ABHD17B: variants seen among roughly 807,000 people sequenced by gnomAD.
ABHD17B encodes the protein alpha/beta hydrolase domain-containing protein 17B.
In ABHD17B, 9 loss-of-function variants were observed where a neutral mutation model predicts 26.2. The observed-to-expected ratio is 0.34, with a 90% confidence interval of 0.21 to 0.60. The LOEUF (loss-of-function observed/expected upper bound fraction) is 0.60. Ranked by LOEUF, ABHD17B falls within the 20% of genes least tolerant of loss-of-function variation. The pLI is 0.80. For synonymous variants in ABHD17B, 127 were observed against 122.3 expected (o/e 1.04, Z -0.25); for missense variants, 224 against 352.1 (o/e 0.64, Z 2.91).
chr9:71,881,073 T>C (rs191693916), intron 1 of ABHD17B, among the ~76,000 whole-genome samples: 169 of 152,138 alleles, frequency 1.1e-3, no homozygotes, highest in Non-Finnish European at 1.6e-3. Context: ...AGTTGGAGGA[T>C]TCACACTTCC....
At chr9:71,910,012 C>G (rs986872700) in intron 1 of ABHD17B, among the ~76,000 whole-genome samples, 2 of 151,972 alleles carry the variant, frequency 1.3e-5, no homozygotes, top group African/African-American at 4.8e-5. Context: ...TTTTCCAATT[C>G]AAAAACGATT....
At chr9:71,899,021 G>A (rs1827051803) in intron 1 of ABHD17B, among the ~76,000 whole-genome samples, 1 of 152,010 alleles carries the variant, frequency 6.6e-6, no homozygotes, top group African/African-American at 2.4e-5. Context: ...CTACTCAAGA[G>A]GCTGAGACAT....
chr9:71,900,878 A>ATG (rs1203464501), intron 1 of ABHD17B, among the ~76,000 whole-genome samples: 9 of 151,434 alleles, frequency 5.9e-5, no homozygotes, highest in African/African-American at 2.2e-4. Flanking sequence ...GGCTGGGTGC[A>ATG]GTGGCTCACG....
intron 1 of ABHD17B, among the ~76,000 whole-genome samples, chr9:71,900,315 G>A (rs1392469717): frequency 6.6e-6 from 1 of 152,114 alleles, no homozygotes; most frequent in South Asian, 2.1e-4. Flanking sequence ...TTTCTAGACG[G>A]CCTACAAGGT....
At chr9:71,862,615 A>C (rs1825856613), downstream of ABHD17B, 1 of 1,151,878 alleles carries the variant, frequency 8.7e-7, no homozygotes, top group Admixed American at 1.7e-5. Flanking sequence ...CACCTGTAAA[A>C]TAAAGGGATT....
At chr9:71,899,687 G>A (rs551671473) in intron 1 of ABHD17B, among the ~76,000 whole-genome samples, 2 of 152,184 alleles carry the variant, frequency 1.3e-5, no homozygotes, top group South Asian at 4.1e-4. Context: ...GCCCCCTACT[G>A]CCTCAATTTT....
At chr9:71,870,308 G>C (rs1826075157) in intron 2 of ABHD17B, 46 bp from the exon 3 acceptor site, 19 of 1,483,488 alleles carry the variant, frequency 1.3e-5, no homozygotes, top group Non-Finnish European at 1.7e-5. Context: ...AAGTTGGAGT[G>C]ATATGAAATG....
At chr9:71,864,213 CTTT>C (rs762446648), downstream of ABHD17B, among the ~76,000 whole-genome samples, 19 of 80,402 alleles carry the variant, frequency 2.4e-4, no homozygotes, top group Admixed American at 1.7e-3. Context: ...GCCAAACTTT[CTTT>C]TTTTTTTTTT....
At chr9:71,910,257 C>G (rs1159689431) in intron 1 of ABHD17B, among the ~76,000 whole-genome samples, 1 of 152,106 alleles carries the variant, frequency 6.6e-6, no homozygotes, top group Non-Finnish European at 1.5e-5. Context: ...ATCTTTTCAT[C>G]CACTGAGAGA....
At chr9:71,881,453 G>C (rs1211027783) in intron 1 of ABHD17B, among the ~76,000 whole-genome samples, 3 of 151,818 alleles carry the variant, frequency 2.0e-5, no homozygotes, top group African/African-American at 7.3e-5. Context: ...AAAAGATACT[G>C]AAAGTACAAG....
At chr9:71,889,656 G>A (rs1826721527) in intron 1 of ABHD17B, among the ~76,000 whole-genome samples, 1 of 152,054 alleles carries the variant, frequency 6.6e-6, no homozygotes, top group Non-Finnish European at 1.5e-5. Flanking sequence ...GTTATCTAGC[G>A]ACATGGAAGT....
chr9:71,898,634 T>C (rs4744646), intron 1 of ABHD17B, among the ~76,000 whole-genome samples: 147,388 of 152,260 alleles, frequency 0.97, 71,519 homozygotes, highest in East Asian at 1. Context: ...AGTGAAACTC[T>C]ATTTCAAACA....
chr9:71,895,582 T>C (rs1374706989), intron 1 of ABHD17B, among the ~76,000 whole-genome samples: 1 of 152,222 alleles, frequency 6.6e-6, no homozygotes, highest in African/African-American at 2.4e-5. Context: ...TACCTTACTT[T>C]GTAAAGTCTG....
In ABHD17B at chr9:71,866,529, A is replaced by C; in HGVS notation, c.*258T>G. ...TTTGATTTTATAGAATTAAAATCTC[A>C]TACAGTACTCATCTTGATGTTAAAA... On this transcript the variant is annotated 3_prime_UTR_variant, in exon 4 of 4. Transcript: ENST00000333421. 1 of 1,235,294 alleles carries C rather than the reference A, an allele frequency of 8.1e-7. No individual in the cohort carries two copies. The highest frequency in any genetic ancestry group is 1.5e-5 in the African/African-American group (1 of 66,320). 76.5% of individuals were successfully genotyped at this position (1,235,294 alleles called of 1,614,324 possible).
intron 1 of ABHD17B, among the ~76,000 whole-genome samples, chr9:71,890,105 T>TA (rs1438043381): frequency 6.8e-6 from 1 of 147,308 alleles, no homozygotes; most frequent in Non-Finnish European, 1.5e-5. Context: ...CTACTAAAAA[T>TA]AAAAATAAAT....
intron 1 of ABHD17B, among the ~76,000 whole-genome samples, chr9:71,882,487 C>A (rs1826474094): frequency 6.6e-6 from 1 of 151,624 alleles, no homozygotes; most frequent in East Asian, 1.9e-4. Flanking sequence ...GGTGAAACCC[C>A]GCCTCTACTA....
At chr9:71,898,990 G>A (rs188250618) in intron 1 of ABHD17B, among the ~76,000 whole-genome samples, 2 of 152,172 alleles carry the variant, frequency 1.3e-5, no homozygotes, top group South Asian at 2.1e-4. Flanking sequence ...CAGGTGTGGT[G>A]GTGCATGCCT....
Position 71,875,387 on chromosome 9 carries a change from G to A in ABHD17B, c.-3-304C>T, listed in dbSNP as rs866082460. Among the ~76,000 whole-genome samples the A allele has an allele frequency of 3.3e-5, 5 of 151,986 alleles. No homozygotes were observed. In the East Asian group the frequency reaches 7.7e-4, roughly 23 times the overall value. On this transcript the variant is annotated intron_variant, in intron 1 of 3. Coordinates refer to ENST00000333421, the MANE Select transcript of ABHD17B (RefSeq NM_001025780.3). ...ATTACAGGCATGCGCCACCACACCCGGTTAATTTTGTATTTTTAGTAGAGA... is the reference window on the plus strand; with the variant it reads ...ATTACAGGCATGCGCCACCACACCCAGTTAATTTTGTATTTTTAGTAGAGA...
At chr9:71,907,945 G>A (rs753617748) in intron 1 of ABHD17B, among the ~76,000 whole-genome samples, 5 of 152,024 alleles carry the variant, frequency 3.3e-5, no homozygotes, top group Admixed American at 2.0e-4. Flanking sequence ...AAAACTCTTG[G>A]GCATGAACAG....
Sources: allele counts gnomAD v4.1 joint callset (sites outside exome capture counted in the v4.1 genomes callset), GRCh38; gene constraint gnomAD v4.1.1; transcripts MANE v1.5; gene names NCBI Gene and HGNC (gene_info 2026-07-23, HGNC 2026-07-21).